Variants in ATG16L2 observed in about 807,000 individuals in gnomAD.
ATG16L2 encodes the protein protein Atg16l2.
A neutral mutation model predicts 84.7 loss-of-function variants in ATG16L2; 77 were observed. The observed-to-expected ratio is 0.91, with a 90% CI of 0.76 to 1.10. The LOEUF (loss-of-function observed/expected upper bound fraction) is 1.10, where lower values mean the gene tolerates loss of function less well. Ranked by LOEUF, ATG16L2 falls within the 50% of genes least tolerant of loss-of-function variation. The probability of loss-of-function intolerance (pLI) is 0.00; values close to 1 mark genes in which losing one functional copy is unlikely to be tolerated. For missense variants in ATG16L2, 782 were observed against 817.6 expected (o/e 0.96, Z 0.53); for synonymous variants, 361 against 342.8 (o/e 1.05, Z -0.59).
In ATG16L2 at chr11:72,828,902, C is replaced by G; in HGVS notation, c.1690C>G (p.Leu564Val). 6.2e-7 allele frequency: 1 copy of G among 1,614,210 alleles called. No individual in the cohort carries two copies. ...AVFSPDRSYALAGSCDGALYI... is the reference protein window; with the variant it reads ...AVFSPDRSYAVAGSCDGALYI... ...CTACAGCCCGGACAGAAGCTATGCA[C>G]TGGCAGGCTCCTGTGATGGGGCCCT... Residue 564 changes from leucine to valine, a missense_variant, in exon 17 of 18, where the codon CTG becomes GTG. By Grantham distance (32) the Leu-to-Val change is conservative. Coordinates refer to ENST00000321297, the MANE Select transcript of ATG16L2 (RefSeq NM_033388.2).
chr11:72,819,325 G>A (rs192517947), intron 3 of ATG16L2, among the ~76,000 whole-genome samples: 281 of 152,120 alleles, frequency 1.8e-3, no homozygotes, highest in Non-Finnish European at 3.2e-3. Flanking sequence ...CATAGTACAA[G>A]TAACTTTCAT....
chr11:72,822,645 C>T lies in ATG16L2; in HGVS notation c.710+102C>T, dbSNP rs965700025. On this transcript the variant is annotated intron_variant, in intron 6 of 17. Transcript: ENST00000321297. The surrounding 1 kb of genome is among the most constrained non-coding windows in gnomAD (Gnocchi z 4.2). ...GACTGTACTTGTGCACAGCCCCGTCCTGAGGCCCCCATGTGGTCGGAGCCC... is the reference window on the plus strand; with the variant it reads ...GACTGTACTTGTGCACAGCCCCGTCTTGAGGCCCCCATGTGGTCGGAGCCC... 2 of 1,465,868 alleles carry T rather than the reference C, an allele frequency of 1.4e-6. No homozygotes were observed. The highest frequency in any genetic ancestry group is 1.8e-6 in the Non-Finnish European group (2 of 1,081,940). The allele number at this position is 1,465,868 out of a possible 1,614,324, so 90.8% of individuals were successfully genotyped here.
Position 72,828,952 on chromosome 11 carries a change from GA to G in ATG16L2, c.1743del (p.Lys581AsnfsTer27). ...TTTACATCTGGGATGTGGACACCGGGAAACTGGAGAGCAGACTACAGGGACC... is the reference window on the plus strand; with the variant it reads ...TTTACATCTGGGATGTGGACACCGGGAACTGGAGAGCAGACTACAGGGACC... Reference protein sequence around the residue: ...ALYIWDVDTGKLESRLQGPHC... With the variant: ...ALYIWDVDTGXLESRLQGPHC... On this transcript the variant is annotated frameshift_variant, in exon 17 of 18. Coordinates refer to ENST00000321297, the MANE Select transcript of ATG16L2 (RefSeq NM_033388.2). LOFTEE classifies it high-confidence loss of function. 5.6e-6 allele frequency: 9 copies of G among 1,614,170 alleles called. No individual in the cohort carries two copies. Among genetic ancestry groups the G allele is most frequent in the Non-Finnish European group, 7.6e-6 (9 of 1,180,032 alleles).
intron 3 of ATG16L2, 46 bp from the exon 4 acceptor site, chr11:72,821,622 G>A (rs1427852925): frequency 1.3e-6 from 2 of 1,515,626 alleles, no homozygotes; most frequent in Non-Finnish European, 1.8e-6. Flanking sequence ...GGGACTGGAG[G>A]CCTGGAGGGG....
At chr11:72,826,328 G>C (rs1044149021) in intron 11 of ATG16L2, 85 bp downstream of exon 11, 1 of 1,481,318 alleles carries the variant, frequency 6.8e-7, no homozygotes, top group African/African-American at 1.4e-5. Flanking sequence ...ACCTGAGGGC[G>C]CAACATGGAT....
At chr11:72,818,747 TG>T (rs2135079649) in intron 3 of ATG16L2, 1 of 152,284 alleles carries the variant, frequency 6.6e-6, no homozygotes, top group South Asian at 2.1e-4. Context: ...TCTCAACATC[TG>T]TTGACAGTTG....
At chr11:72,832,512 G>A (rs1008171370), downstream of ATG16L2, among the ~76,000 whole-genome samples, 1 of 152,210 alleles carries the variant, frequency 6.6e-6, no homozygotes, top group African/African-American at 2.4e-5. Flanking sequence ...ATGTCAGCGG[G>A]AAGGCTGTTC....
At chr11:72,818,151 C>A (rs746106146) in intron 3 of ATG16L2, 2 of 365,820 alleles carry the variant, frequency 5.5e-6, no homozygotes, top group African/African-American at 2.1e-5. Context: ...ATGGCTCACC[C>A]CTCGCCCAGC....
At chr11:72,828,155 G>A (rs1346033205) in intron 14 of ATG16L2, among the ~76,000 whole-genome samples, 2 of 92,878 alleles carry the variant, frequency 2.2e-5, no homozygotes, top group East Asian at 4.0e-4. Flanking sequence ...TCAAATCAAA[G>A]TCTGTCTAAG....
chr11:72,817,980 A>AGT lies in ATG16L2; in HGVS notation c.318+131_318+132dup, dbSNP rs980764390. The AGT allele has an allele frequency of 8.2e-5, 72 of 883,322 alleles. No individual in the cohort carries two copies. In the African/African-American group the frequency reaches 1.1e-3, roughly 14 times the overall value. 54.7% of individuals were successfully genotyped at this position (883,322 alleles called of 1,614,324 possible). Reference sequence around the variant, plus strand: ...GTGCTGCAAGCATTGAGTGAGCCCTAGTGTGTGCCAGGCCCTGACCTGAAG... The same window carrying AGT: ...GTGCTGCAAGCATTGAGTGAGCCCTAGTGTGTGTGCCAGGCCCTGACCTGAAG... On this transcript the variant is annotated intron_variant, in intron 3 of 17. Coordinates refer to ENST00000321297, the MANE Select transcript of ATG16L2 (RefSeq NM_033388.2).
At chr11:72,827,366 T>C in intron 14 of ATG16L2, 73 bp downstream of exon 14, 1 of 1,298,440 alleles carries the variant, frequency 7.7e-7, no homozygotes, top group Non-Finnish European at 1.1e-6. Flanking sequence ...TTCCTTTCTC[T>C]GGCCATGGCA....
Position 72,822,430 on chromosome 11 carries a change from C to T in ATG16L2, c.645-48C>T, listed in dbSNP as rs201419985. 1.5e-5 allele frequency: 24 copies of T among 1,611,254 alleles called. No individual in the cohort carries two copies. The highest frequency in any genetic ancestry group is 2.0e-5 in the Non-Finnish European group (23 of 1,178,598). On this transcript the variant is annotated intron_variant, in intron 5 of 17. Coordinates refer to ENST00000321297, the MANE Select transcript of ATG16L2 (RefSeq NM_033388.2). This position sits in a 1 kb window ranked among gnomAD's most constrained non-coding sequence, Gnocchi z 4.2. ...AAGGGACCGGGTCTAGCCCCGCCTG[C>T]GTGCGAGGCGCCGCGCCAGGGTCTC...
At chr11:72,840,286 A>G (rs1860876160) in intron 5 of ATG16L2, among the ~76,000 whole-genome samples, 1 of 152,238 alleles carries the variant, frequency 6.6e-6, no homozygotes, top group East Asian at 1.9e-4. Context: ...GAATGAAGCC[A>G]AAAGAAGCCA....
chr11:72,825,468 A>C, intron 10 of ATG16L2, 61 bp downstream of exon 10: 262 of 1,301,596 alleles, frequency 2.0e-4, no homozygotes, highest in Non-Finnish European at 2.6e-4. Flanking sequence ...TCCTCAGCTC[A>C]CTCCTTGGTG....
chr11:72,828,664 G>A (rs554515981), intron 15 of ATG16L2, 65 bp from the exon 16 acceptor site: 3 of 1,604,620 alleles, frequency 1.9e-6, no homozygotes, highest in Non-Finnish European at 2.6e-6. Flanking sequence ...AGCTCTGGAA[G>A]CTCACTGCAG....
At chr11:72,843,413 G>A (rs769683409) in exon 6 of ATG16L2, 5 of 1,606,938 alleles carry the variant, frequency 3.1e-6, no homozygotes, top group Middle Eastern at 3.3e-4. Flanking sequence ...TCCTAAAAAT[G>A]TCACAAGAAA....
At chr11:72,830,075 A>C (rs544173451), downstream of ATG16L2, among the ~76,000 whole-genome samples, 95 of 152,280 alleles carry the variant, frequency 6.2e-4, no homozygotes, top group Non-Finnish European at 1.2e-3. Flanking sequence ...CTCCAGGGGT[A>C]GTGCCCAGGG....
chr11:72,838,557 C>T (rs1264819811), intron 5 of ATG16L2: 18 of 555,320 alleles, frequency 3.2e-5, no homozygotes, highest in African/African-American at 1.5e-4. Context: ...TCCTAGGGTC[C>T]GCTAGGATTT....
At chr11:72,838,440 G>A (rs1477400491) in intron 5 of ATG16L2, 2 of 315,720 alleles carry the variant, frequency 6.3e-6, no homozygotes, top group Non-Finnish European at 1.2e-5. Flanking sequence ...TACTGTACGA[G>A]TGCACATGAT....
Sources: allele counts gnomAD v4.1 joint callset (sites outside exome capture counted in the v4.1 genomes callset), GRCh38; gene constraint gnomAD v4.1.1; non-coding constraint Gnocchi (gnomAD v3.1); transcripts MANE v1.5; gene names NCBI Gene and HGNC (gene_info 2026-07-23, HGNC 2026-07-21).